Variants in MMUT observed in about 807,000 individuals in gnomAD.
MMUT encodes methylmalonyl-CoA mutase, mitochondrial.
Under a neutral mutation model 79.9 loss-of-function variants are expected in MMUT, and 79 were observed. The observed-to-expected ratio is 0.99, with a 90% CI of 0.82 to 1.19. The LOEUF (loss-of-function observed/expected upper bound fraction) is 1.19, where lower values mean the gene tolerates loss of function less well. Ranked by LOEUF, MMUT falls within the 50% of genes most tolerant of loss-of-function variation. The pLI is 0.00. For missense variants in MMUT, 860 were observed against 917.2 expected (o/e 0.94, Z 0.81); for synonymous variants, 273 against 295.7 (o/e 0.92, Z 0.79).
At chr6:49,434,925 T>C (rs114836659) in intron 12 of MMUT, among the ~76,000 whole-genome samples, 1,698 of 152,270 alleles carry the variant, frequency 0.011, 25 homozygotes, top group African/African-American at 0.039. Context: ...TATAGGACCA[T>C]GTAAATGATA....
chr6:49,453,421 A>G (rs976551685), intron 5 of MMUT, among the ~76,000 whole-genome samples, 164 bp downstream of exon 5: 2 of 151,972 alleles, frequency 1.3e-5, no homozygotes, highest in South Asian at 2.1e-4. Flanking sequence ...TTATTATATT[A>G]TGTATAATTA....
At chr6:49,456,360 CATA>C in intron 3 of MMUT, 123 bp from the exon 4 acceptor site, 1 of 734,346 alleles carries the variant, frequency 1.4e-6, no homozygotes, top group Non-Finnish European at 2.3e-6. Flanking sequence ...CTTGGTAGTT[CATA>C]ATGTTAACAA....
chr6:49,437,702 T>G (rs1158501196), intron 11 of MMUT, among the ~76,000 whole-genome samples: 1 of 152,096 alleles, frequency 6.6e-6, no homozygotes, highest in Non-Finnish European at 1.5e-5. Flanking sequence ...AAATCCTAGC[T>G]GAGATTTGGT....
intron 10 of MMUT, among the ~76,000 whole-genome samples, 177 bp downstream of exon 10, chr6:49,441,663 T>C (rs1244433911): frequency 1.3e-5 from 2 of 148,678 alleles, no homozygotes; most frequent in East Asian, 1.9e-4. Context: ...ATGAATAAAT[T>C]ATATACTCTA....
intron 8 of MMUT, among the ~76,000 whole-genome samples, chr6:49,446,109 T>C (rs1037900776): frequency 2.0e-5 from 3 of 151,856 alleles, no homozygotes; most frequent in Non-Finnish European, 4.4e-5. Context: ...TATAATTATC[T>C]CAACAACAGA....
intron 6 of MMUT, among the ~76,000 whole-genome samples, chr6:49,450,228 T>TC (rs1767516558): frequency 2.7e-5 from 4 of 145,892 alleles, no homozygotes; most frequent in Non-Finnish European, 6.0e-5. Context: ...AGACTCTGTC[T>TC]TAAAAAAAAA....
At chr6:49,461,691 C>T (rs769674483) in intron 1 of MMUT, among the ~76,000 whole-genome samples, 40 of 152,162 alleles carry the variant, frequency 2.6e-4, no homozygotes, top group Non-Finnish European at 3.5e-4. Flanking sequence ...ATCACTTCAA[C>T]CCGGGAAGCA....
At chr6:49,440,167 G>C in intron 11 of MMUT, 39 bp downstream of exon 11, 1 of 1,610,894 alleles carries the variant, frequency 6.2e-7, no homozygotes, top group Non-Finnish European at 8.5e-7. Context: ...TAAGTGACTA[G>C]TAAATACTTT....
chr6:49,441,119 T>A (rs1454319616), intron 10 of MMUT, among the ~76,000 whole-genome samples: 2 of 152,124 alleles, frequency 1.3e-5, no homozygotes, highest in Non-Finnish European at 1.5e-5. Context: ...AGTGTACAAG[T>A]ATGGAAATTC....
intron 10 of MMUT, 93 bp downstream of exon 10, chr6:49,441,747 G>T: frequency 7.7e-7 from 1 of 1,292,776 alleles, no homozygotes; most frequent in Non-Finnish European, 1.0e-6. Flanking sequence ...AATTTTCTCA[G>T]TTGTATGTAA....
chr6:49,446,039 A>AAT (rs1174306306), intron 8 of MMUT, among the ~76,000 whole-genome samples: 1 of 151,994 alleles, frequency 6.6e-6, no homozygotes, highest in Non-Finnish European at 1.5e-5. Context: ...GCAAAGACCT[A>AAT]AGAAGTACAC....
At chr6:49,451,822 T>C in intron 5 of MMUT, 108 bp from the exon 6 acceptor site, 10 of 1,211,196 alleles carry the variant, frequency 8.3e-6, no homozygotes, top group Middle Eastern at 2.1e-4. Flanking sequence ...TCTATGTCAA[T>C]TTCCATATTA....
intron 11 of MMUT, 29 bp downstream of exon 11, chr6:49,440,177 T>C (rs775483532): frequency 3.1e-6 from 5 of 1,613,500 alleles, no homozygotes; most frequent in Non-Finnish European, 4.2e-6. Context: ...GTAAATACTT[T>C]TGAAATTCCC....
intron 4 of MMUT, among the ~76,000 whole-genome samples, chr6:49,455,078 C>T (rs562308092): frequency 5.3e-5 from 8 of 151,972 alleles, no homozygotes; most frequent in Admixed American, 3.9e-4. Flanking sequence ...AATAAACCCA[C>T]AACATGTTAA....
At position 49,447,654 on chromosome 6, in the gene MMUT, A is replaced by AT; in HGVS notation, c.1560+15_1560+16insA. ...GAAAATACTTAAAAAAAAAAAAAAA[A>AT]GCAAGCTATTAATACCTTCTTAAGT... On this transcript the variant is annotated intron_variant, in intron 8 of 12. Transcript: ENST00000274813. The AT allele has an allele frequency of 2.7e-6, 4 of 1,459,842 alleles. No homozygotes were observed. Among genetic ancestry groups the AT allele is most frequent in the Non-Finnish European group, 3.8e-6 (4 of 1,043,932 alleles). 90.4% of individuals were successfully genotyped at this position (1,459,842 alleles called of 1,614,324 possible).
intron 5 of MMUT, among the ~76,000 whole-genome samples, chr6:49,452,284 C>T (rs1208256243): frequency 6.6e-6 from 1 of 151,992 alleles, no homozygotes; most frequent in East Asian, 1.9e-4. Flanking sequence ...TTCCTTCCAA[C>T]CCTAAAAATC....
intron 4 of MMUT, 116 bp from the exon 5 acceptor site, chr6:49,453,872 C>T: frequency 1.1e-6 from 1 of 891,600 alleles, no homozygotes; most frequent in Non-Finnish European, 1.8e-6. Flanking sequence ...TTTCGAAGAA[C>T]TTAATTTGAA....
intron 6 of MMUT, among the ~76,000 whole-genome samples, 154 bp from the exon 7 acceptor site, chr6:49,449,081 A>T (rs1480154979): frequency 6.6e-6 from 1 of 152,112 alleles, no homozygotes; most frequent in African/African-American, 2.4e-5. Flanking sequence ...TAAACATCAA[A>T]GTCATTAATT....
intron 1 of MMUT, among the ~76,000 whole-genome samples, chr6:49,461,497 G>A (rs550441638): frequency 2.0e-5 from 3 of 152,216 alleles, no homozygotes; most frequent in East Asian, 3.9e-4. Context: ...GGCTGGGCAT[G>A]GTGGTTCACG....
Sources: allele counts gnomAD v4.1 joint callset (sites outside exome capture counted in the v4.1 genomes callset), GRCh38; gene constraint gnomAD v4.1.1; transcripts MANE v1.5; gene names NCBI Gene and HGNC (gene_info 2026-07-23, HGNC 2026-07-21).